The following STK32B variants were observed in gnomAD, a reference collection of about 807,000 sequenced individuals.
STK32B encodes serine/threonine-protein kinase 32B.
STK32B carries 43 observed loss-of-function variants against 52.6 expected under a neutral mutation model. The ratio of observed to expected loss-of-function variants is 0.82; its 90% CI spans 0.64 to 1.05. The LOEUF (loss-of-function observed/expected upper bound fraction) is 1.05. Ranked by LOEUF, STK32B falls within the 50% of genes least tolerant of loss-of-function variation. STK32B has a pLI of 0.00. For missense variants in STK32B, 621 were observed against 534.6 expected (o/e 1.16, Z -1.59); for synonymous variants, 238 against 204.3 (o/e 1.17, Z -1.41).
chr4:5,276,996 C>T (rs190012087), intron 3 of STK32B, among the ~76,000 whole-genome samples: 22 of 152,296 alleles, frequency 1.4e-4, no homozygotes, highest in African/African-American at 1.9e-4. Context: ...TGAAGATGAA[C>T]GCCAGATTTT....
At chr4:5,287,708 G>T (rs1728644621) in intron 3 of STK32B, among the ~76,000 whole-genome samples, 1 of 151,826 alleles carries the variant, frequency 6.6e-6, no homozygotes, top group African/African-American at 2.4e-5. Context: ...TACACAAATG[G>T]TAGTATATTA....
Position 5,377,259 on chromosome 4 carries a change from C to A in STK32B, c.435-20948C>A, listed in dbSNP as rs556971090. Reference sequence around the variant, plus strand: ...TTCACACTTTTAAATTGAGGCACAGCAAAGAGTCTCAAATTAAAAATAACA... The same window carrying A: ...TTCACACTTTTAAATTGAGGCACAGAAAAGAGTCTCAAATTAAAAATAACA... On this transcript the variant is annotated intron_variant, in intron 4 of 11. Coordinates refer to ENST00000282908, the MANE Select transcript of STK32B (RefSeq NM_018401.3). Among the ~76,000 whole-genome samples the A allele has an allele frequency of 7.9e-5, 12 of 152,240 alleles. No homozygotes were observed. The South Asian group carries it at 1.7e-3, about 21-fold the overall frequency.
intron 4 of STK32B, among the ~76,000 whole-genome samples, chr4:5,335,387 G>C (rs1410523664): frequency 6.6e-6 from 1 of 151,510 alleles, no homozygotes; most frequent in African/African-American, 2.4e-5. Flanking sequence ...TATTAGTCTT[G>C]CTAGCGGTCT....
intron 3 of STK32B, among the ~76,000 whole-genome samples, chr4:5,235,411 G>T (rs1724554216): frequency 6.6e-6 from 1 of 152,184 alleles, no homozygotes; most frequent in Non-Finnish European, 1.5e-5. Context: ...ATGTTGGAAA[G>T]AGAATGACAA....
Position 5,251,394 on chromosome 4 carries a change from A to T in STK32B, c.261-79826A>T, listed in dbSNP as rs116241053. ...ACTTTGTTGAAGGTCAGATGGTTGTAGCTGTGCAGCTTTATTTCTGGGCTC... is the reference window on the plus strand; with the variant it reads ...ACTTTGTTGAAGGTCAGATGGTTGTTGCTGTGCAGCTTTATTTCTGGGCTC... On this transcript the variant is annotated intron_variant, in intron 3 of 11. Coordinates refer to ENST00000282908, the MANE Select transcript of STK32B (RefSeq NM_018401.3). Among the ~76,000 whole-genome samples the T allele has an allele frequency of 4.5e-3, 685 of 152,250 alleles. 2 individuals are homozygous for T. The highest frequency in any genetic ancestry group is 0.015 in the African/African-American group (625 of 41,558).
At chr4:5,245,217 A>G (rs567863332) in intron 3 of STK32B, among the ~76,000 whole-genome samples, 9 of 152,124 alleles carry the variant, frequency 5.9e-5, no homozygotes, top group Non-Finnish European at 1.0e-4. Context: ...GAGTCCAAGA[A>G]TCTTTGTAGG....
intron 2 of STK32B, among the ~76,000 whole-genome samples, chr4:5,163,091 C>G (rs558984272): frequency 6.6e-6 from 1 of 152,296 alleles, no homozygotes; most frequent in East Asian, 1.9e-4. Flanking sequence ...AGGATTCAGA[C>G]TTGGAGGTCA....
intron 6 of STK32B, among the ~76,000 whole-genome samples, chr4:5,428,075 CA>C (rs1713246519): frequency 1.3e-5 from 2 of 151,894 alleles, no homozygotes; most frequent in Admixed American, 1.3e-4. Context: ...CTGTATCCCA[CA>C]AATTTAGATA....
At chr4:5,252,643 T>C (rs1449839744) in intron 3 of STK32B, among the ~76,000 whole-genome samples, 1 of 152,224 alleles carries the variant, frequency 6.6e-6, no homozygotes, top group Admixed American at 6.5e-5. Context: ...TTGTCACTTA[T>C]TCACTTTTAG....
chr4:5,152,755 G>A (rs937635126), intron 2 of STK32B, among the ~76,000 whole-genome samples: 23 of 152,266 alleles, frequency 1.5e-4, no homozygotes, highest in Admixed American at 1.4e-3. Flanking sequence ...TAGTAAGCCT[G>A]AGGTGTGTGG....
At chr4:5,070,011 C>A (rs1463269962) in intron 1 of STK32B, among the ~76,000 whole-genome samples, 1 of 152,182 alleles carries the variant, frequency 6.6e-6, no homozygotes, top group African/African-American at 2.4e-5. Flanking sequence ...TGGCTCAACA[C>A]AGGAGGCACA....
chr4:5,320,435 A>G (rs1337682313), intron 3 of STK32B, among the ~76,000 whole-genome samples: 1 of 152,172 alleles, frequency 6.6e-6, no homozygotes, highest in African/African-American at 2.4e-5. Context: ...AGCATTGGCA[A>G]TTTCACATGG....
At chr4:5,370,188 T>G (rs530817652) in intron 4 of STK32B, among the ~76,000 whole-genome samples, 40 of 152,288 alleles carry the variant, frequency 2.6e-4, no homozygotes, top group African/African-American at 9.1e-4. Flanking sequence ...AAAGAGTATA[T>G]TAAGCAGAAT....
chr4:5,331,228 T>C lies in STK32B; in HGVS notation c.269T>C (p.Phe90Ser), dbSNP rs763308670. 1.2e-6 allele frequency: 2 copies of C among 1,612,396 alleles called. No homozygotes were observed. Among genetic ancestry groups the C allele is most frequent in the Non-Finnish European group, 1.7e-6 (2 of 1,179,122 alleles). Residue 90 changes from phenylalanine to serine, a missense_variant, in exon 4 of 12, where the codon TTC (phenylalanine) becomes TCC (serine). Transcript: ENST00000282908. The part of the protein sequence containing the change: ...HPFLVNLWYS[F>S]QDEEDMFMVV... ...TCCTTCTGTGCTCCTAGGTACTCCT[T>C]CCAGGATGAGGAGGACATGTTCATG...
At chr4:5,403,959 T>C (rs1234632937) in intron 5 of STK32B, among the ~76,000 whole-genome samples, 2 of 151,636 alleles carry the variant, frequency 1.3e-5, no homozygotes, top group African/African-American at 4.9e-5. Flanking sequence ...TACATAGTAA[T>C]GCACTTTAAA....
At chr4:5,056,684 T>C (rs780724067) in intron 1 of STK32B, among the ~76,000 whole-genome samples, 1 of 152,222 alleles carries the variant, frequency 6.6e-6, no homozygotes, top group African/African-American at 2.4e-5. Context: ...CACGGTTACT[T>C]TGATGGGCTC....
intron 3 of STK32B, among the ~76,000 whole-genome samples, chr4:5,242,880 A>T (rs561844393): frequency 8.9e-4 from 135 of 152,268 alleles, no homozygotes; most frequent in South Asian, 3.3e-3. Context: ...CAAAGATCAG[A>T]TGGTTGTAGG....
intron 11 of STK32B, among the ~76,000 whole-genome samples, chr4:5,484,854 G>C (rs901221160): frequency 1.3e-5 from 2 of 152,134 alleles, no homozygotes; most frequent in African/African-American, 4.8e-5. Context: ...ATGAAGCATA[G>C]TTTGGCTGGA....
At chr4:5,342,430 C>G (rs1420937254) in intron 4 of STK32B, among the ~76,000 whole-genome samples, 1 of 152,182 alleles carries the variant, frequency 6.6e-6, no homozygotes, top group Non-Finnish European at 1.5e-5. Context: ...AACCATCATT[C>G]TGAGCAAACT....
Sources: gnomAD v4.1 joint callset for allele counts (sites outside exome capture counted in the v4.1 genomes callset) on GRCh38, gnomAD v4.1.1 for gene constraint, MANE v1.5 for transcripts, NCBI Gene and HGNC (gene_info 2026-07-23, HGNC 2026-07-21) for gene names.